Variants in PTTG1IP observed in about 807,000 individuals in gnomAD.
PTTG1IP encodes pituitary tumor-transforming gene 1 protein-interacting protein.
Under a neutral mutation model 24.4 loss-of-function variants are expected in PTTG1IP, and 16 were observed. The ratio of observed to expected loss-of-function variants is 0.66; its 90% CI spans 0.44 to 1.00. The LOEUF (loss-of-function observed/expected upper bound fraction) is 1.00, where lower values mean the gene tolerates loss of function less well. PTTG1IP is among the 50% of genes least tolerant of loss of function. The pLI is 0.00. For missense variants in PTTG1IP, 241 were observed against 245.8 expected, an observed-to-expected ratio of 0.98 and a Z score of 0.13; for synonymous variants, 89 against 96.8, an observed-to-expected ratio of 0.92 and a Z score of 0.47.
rs562088092 is a variant in PTTG1IP at position 44,861,074 on chromosome 21, T to A, written c.277+89A>T. Reference sequence around the variant, plus strand: ...GCCTCCGCCTCCCAAAGTGCTGGGATTACAGACGTGAGCCACCGCGCCCGG... The same window carrying A: ...GCCTCCGCCTCCCAAAGTGCTGGGAATACAGACGTGAGCCACCGCGCCCGG... On this transcript the variant is annotated intron_variant, in intron 3 of 5. Transcript: ENST00000330938. The A allele has an allele frequency of 9.7e-5, 109 of 1,120,092 alleles. 1 individual carries two copies. The South Asian group carries it at 9.9e-4, about 10-fold the overall frequency. The allele number at this position is 1,120,092 out of a possible 1,614,324, so 69.4% of individuals were successfully genotyped here. A position where few individuals can be genotyped will look rare whatever the true frequency, so the allele number is the denominator to read the frequency against.
At position 44,851,415 on chromosome 21, in the gene PTTG1IP, G is replaced by C. The variant is rs756101716; in HGVS notation, c.*166C>G. 7 of 1,582,204 alleles carry C rather than the reference G, an allele frequency of 4.4e-6. No homozygotes were observed. In the Admixed American group the frequency reaches 7.1e-5, roughly 16 times the overall value. The stretch of plus-strand genomic sequence containing the variant: ...ATAGAAGGTCACCAGTCTGCAAGAC[G>C]AGAGGACTGTCCTTCAGGGGCAGCT... On this transcript the variant is annotated 3_prime_UTR_variant, in exon 6 of 6. Transcript: ENST00000330938.
chr21:44,861,520 C>T (rs1356085497), intron 2 of PTTG1IP, among the ~76,000 whole-genome samples: 1 of 152,160 alleles, frequency 6.6e-6, no homozygotes, highest in Non-Finnish European at 1.5e-5. Flanking sequence ...GCCTCTTCCA[C>T]AACTCACCCT....
At position 44,856,311 on chromosome 21, in the gene PTTG1IP, G is replaced by A. The variant is rs11537962; in HGVS notation, c.331C>T (p.Leu111=). ...CAGCAGCAGCAGATGGCAATGCCCA[G>A]GAGGAGGGTTCCCCCGACTACCGAC... ...TMSVVGGTLL[L]GIAICCCCCC... The change falls in exon 4 of 6, where the codon CTG becomes TTG. Residue 111 remains leucine (L), a synonymous_variant. Transcript: ENST00000330938. 6 of 1,614,190 alleles carry A rather than the reference G, an allele frequency of 3.7e-6. No homozygotes were observed. The highest frequency in any genetic ancestry group is 5.1e-6 in the Non-Finnish European group (6 of 1,180,026).
rs151238913 is a variant in PTTG1IP, at chr21:44,853,060, G to C, written c.497-1433C>G. Among the ~76,000 whole-genome samples, 8 of 152,218 alleles carry C rather than the reference G, an allele frequency of 5.3e-5. No individual in the cohort carries two copies. The South Asian group carries it at 1.7e-3, about 31-fold the overall frequency. ...AAGACACCACTCCAAGAGCCTGGCC[G>C]GCCACCCACAGCCTCACACCCGCTG... On this transcript the variant is annotated intron_variant, in intron 5 of 5. Coordinates refer to ENST00000330938, the MANE Select transcript of PTTG1IP (RefSeq NM_004339.4).
At chr21:44,867,144 C>G (rs146342321) in intron 1 of PTTG1IP, among the ~76,000 whole-genome samples, 2 of 152,188 alleles carry the variant, frequency 1.3e-5, no homozygotes, top group African/African-American at 4.8e-5. Context: ...AGCAAACATG[C>G]GGCTCTCGTA....
Position 44,856,310 on chromosome 21 carries a change from A to C in PTTG1IP, c.332T>G (p.Leu111Arg), listed in dbSNP as rs1338778940. 1.2e-6 allele frequency: 2 copies of C among 1,614,060 alleles called. No individual in the cohort carries two copies. Among genetic ancestry groups the C allele is most frequent in the African/African-American group, 2.7e-5 (2 of 74,938 alleles). ...GCAGCAGCAGCAGATGGCAATGCCC[A>C]GGAGGAGGGTTCCCCCGACTACCGA... ...TMSVVGGTLL[L>R]GIAICCCCCC... Residue 111 changes from leucine to arginine, a missense_variant, in exon 4 of 6, where the codon CTG becomes CGG. By Grantham distance (102) the Leu-to-Arg change is moderately radical (BLOSUM62 -2). Transcript: ENST00000330938.
chr21:44,859,222 G>T (rs1201118540), intron 3 of PTTG1IP, among the ~76,000 whole-genome samples: 1 of 152,226 alleles, frequency 6.6e-6, no homozygotes, highest in African/African-American at 2.4e-5. Flanking sequence ...TCCACATAAA[G>T]GCGGGAACCA....
At chr21:44,871,014 AC>A (rs1233446426) in intron 1 of PTTG1IP, among the ~76,000 whole-genome samples, 1 of 152,232 alleles carries the variant, frequency 6.6e-6, no homozygotes, top group Non-Finnish European at 1.5e-5. Context: ...CATCAGCAGA[AC>A]GAGCAGCCAA....
In PTTG1IP at chr21:44,873,565, C is replaced by T. The variant is rs1189927329; in HGVS notation, c.52G>A (p.Gly18Ser). ...GPTPYWRLRL[G>S]GAALLLLLIP... The stretch of plus-strand genomic sequence containing the variant: ...AGCAGCAGGAGCAGCGCGGCGCCAC[C>T]GAGGCGCAACCTCCAGTACGGCGTC... The change falls in exon 1 of 6, where the codon GGT (glycine) becomes AGT (serine). Residue 18 changes from glycine to serine, a missense_variant. Coordinates refer to ENST00000330938, the MANE Select transcript of PTTG1IP (RefSeq NM_004339.4). 4 of 1,472,498 alleles carry T rather than the reference C, an allele frequency of 2.7e-6. No homozygotes were observed. Among genetic ancestry groups the T allele is most frequent in the Non-Finnish European group, 3.6e-6 (4 of 1,117,686 alleles). 91.2% of individuals were successfully genotyped at this position (1,472,498 alleles called of 1,614,324 possible).
At chr21:44,869,355 G>T (rs568074602) in intron 1 of PTTG1IP, among the ~76,000 whole-genome samples, 1 of 152,238 alleles carries the variant, frequency 6.6e-6, no homozygotes, top group Non-Finnish European at 1.5e-5. Context: ...CTTCTTAGGA[G>T]ATAGACTCTG....
chr21:44,859,086 C>G (rs902614939), intron 3 of PTTG1IP, among the ~76,000 whole-genome samples: 1 of 152,244 alleles, frequency 6.6e-6, no homozygotes, highest in African/African-American at 2.4e-5. Flanking sequence ...AGGACCCAGG[C>G]GTCCCTGAGT....
chr21:44,871,286 G>A (rs1381667092), intron 1 of PTTG1IP, among the ~76,000 whole-genome samples: 2 of 152,184 alleles, frequency 1.3e-5, no homozygotes, highest in East Asian at 3.8e-4. Context: ...CCACTGTAAG[G>A]AGCAGCTGAG....
rs2083408497 is a variant in PTTG1IP, at chr21:44,851,305, C to A, written c.*276G>T. The stretch of plus-strand genomic sequence containing the variant: ...GGCTTCGTGTGCAGTTAGCGTTTCA[C>A]AAACTGAGAAGAGTATAAAAAAGCC... On this transcript the variant is annotated 3_prime_UTR_variant, in exon 6 of 6. Coordinates refer to ENST00000330938, the MANE Select transcript of PTTG1IP (RefSeq NM_004339.4). 9 of 1,460,158 alleles carry A rather than the reference C, an allele frequency of 6.2e-6. No individual in the cohort carries two copies. In the African/African-American group the frequency reaches 8.5e-5, roughly 14 times the overall value. 90.5% of individuals were successfully genotyped at this position (1,460,158 alleles called of 1,614,324 possible). A position where few individuals can be genotyped will look rare whatever the true frequency, so the allele number is the denominator to read the frequency against.
intron 2 of PTTG1IP, among the ~76,000 whole-genome samples, chr21:44,863,480 G>C (rs1200121650): frequency 1.3e-5 from 2 of 152,326 alleles, no homozygotes; most frequent in Non-Finnish European, 2.9e-5. Context: ...GTTCAGAACT[G>C]GAGTCAGGCC....
At chr21:44,852,394 C>T (rs1232832700) in intron 5 of PTTG1IP, among the ~76,000 whole-genome samples, 2 of 152,128 alleles carry the variant, frequency 1.3e-5, no homozygotes, top group Admixed American at 6.5e-5. Context: ...GTTGGTCAGG[C>T]TGGTCTCGAA....
chr21:44,861,612 G>A, intron 2 of PTTG1IP: 1 of 663,730 alleles, frequency 1.5e-6, no homozygotes, highest in South Asian at 1.7e-5. Flanking sequence ...AGCTCAGCCT[G>A]CCGGTTCTGC....
chr21:44,871,779 G>A (rs1424078189), intron 1 of PTTG1IP, among the ~76,000 whole-genome samples: 1 of 152,226 alleles, frequency 6.6e-6, no homozygotes, highest in Non-Finnish European at 1.5e-5. Flanking sequence ...CGCCTGGGCA[G>A]TGAATGCCAA....
chr21:44,855,124 C>G (rs747000094), intron 5 of PTTG1IP, 86 bp downstream of exon 5: 2 of 1,407,040 alleles, frequency 1.4e-6, no homozygotes, highest in East Asian at 2.3e-5. Flanking sequence ...ACAGCCCCAT[C>G]TCAGGCCACA....
intron 3 of PTTG1IP, among the ~76,000 whole-genome samples, chr21:44,859,065 G>A (rs2083470502): frequency 6.6e-6 from 1 of 152,238 alleles, no homozygotes; most frequent in African/African-American, 2.4e-5. Flanking sequence ...ACCGCTCACA[G>A]CAGCACCAGA....
Sources: gnomAD v4.1 joint callset for allele counts (sites outside exome capture counted in the v4.1 genomes callset) on GRCh38, gnomAD v4.1.1 for gene constraint, MANE v1.5 for transcripts, NCBI Gene and HGNC (gene_info 2026-07-23, HGNC 2026-07-21) for gene names.